GALNTL6: variants seen among roughly 807,000 people sequenced by gnomAD.
GALNTL6 encodes polypeptide N-acetylgalactosaminyltransferase like 6.
In GALNTL6, 46 loss-of-function variants were observed where a neutral mutation model predicts 73.7. The observed-to-expected ratio is 0.62, with a 90% CI of 0.49 to 0.80. The LOEUF is 0.80. Ranked by LOEUF, GALNTL6 falls within the 30% of genes least tolerant of loss-of-function variation. The pLI is 0.00. For missense variants in GALNTL6, 604 were observed against 755.0 expected (o/e 0.80, Z 2.34); for synonymous variants, 259 against 263.7 (o/e 0.98, Z 0.17).
intron 5 of GALNTL6, among the ~76,000 whole-genome samples, chr4:172,376,598 G>A (rs1743040213): frequency 6.6e-6 from 1 of 152,148 alleles, no homozygotes; most frequent in Non-Finnish European, 1.5e-5. Context: ...GCTTTTAACT[G>A]TGCCTGGTAT....
intron 5 of GALNTL6, among the ~76,000 whole-genome samples, chr4:172,519,593 A>G (rs1405725135): frequency 6.6e-6 from 1 of 150,966 alleles, no homozygotes. Context: ...TCTTCCACTG[A>G]CAAAGACACT....
At chr4:171,976,693 G>A (rs566642972) in intron 2 of GALNTL6, among the ~76,000 whole-genome samples, 63 of 152,294 alleles carry the variant, frequency 4.1e-4, no homozygotes, top group African/African-American at 1.3e-3. Flanking sequence ...GAGATATGTG[G>A]TCATATCCTA....
At chr4:172,826,050 T>A (rs1488894477) in intron 7 of GALNTL6, among the ~76,000 whole-genome samples, 2 of 152,160 alleles carry the variant, frequency 1.3e-5, no homozygotes, top group Non-Finnish European at 2.9e-5. Flanking sequence ...ATGTAACTTT[T>A]TTTTATCTCC....
chr4:173,004,579 T>C (rs931573156), intron 10 of GALNTL6, among the ~76,000 whole-genome samples: 9 of 152,158 alleles, frequency 5.9e-5, no homozygotes, highest in Admixed American at 5.9e-4. Context: ...TGAGCCGAGA[T>C]TGAGCCATTG....
At chr4:172,201,155 C>T (rs968038997) in intron 2 of GALNTL6, among the ~76,000 whole-genome samples, 35 of 151,794 alleles carry the variant, frequency 2.3e-4, no homozygotes, top group African/African-American at 8.0e-4. Context: ...AGAATTGTTC[C>T]CTAATGCTTT....
intron 5 of GALNTL6, among the ~76,000 whole-genome samples, chr4:172,416,107 G>A (rs770258218): frequency 2.0e-5 from 3 of 152,074 alleles, no homozygotes; most frequent in African/African-American, 4.8e-5. Flanking sequence ...ATGGGGATAC[G>A]ATTCAATAAA....
At chr4:172,374,667 G>C (rs762771485) in intron 5 of GALNTL6, among the ~76,000 whole-genome samples, 2 of 152,146 alleles carry the variant, frequency 1.3e-5, no homozygotes, top group African/African-American at 4.8e-5. Flanking sequence ...TCTTAGTGGG[G>C]ATCCATACTG....
chr4:172,992,950 C>T (rs968776922), intron 10 of GALNTL6, among the ~76,000 whole-genome samples: 2 of 152,112 alleles, frequency 1.3e-5, no homozygotes, highest in African/African-American at 4.8e-5. Flanking sequence ...CACCCTACCC[C>T]TAAGAATGAA....
intron 4 of GALNTL6, among the ~76,000 whole-genome samples, chr4:172,339,257 C>CCACACACACACTCA (rs1554015246): frequency 3.1e-4 from 37 of 120,950 alleles, no homozygotes; most frequent in Non-Finnish European, 5.4e-4. Flanking sequence ...CACACACACA[C>CCACACACACACTCA]CACACACACA....
At chr4:172,256,211 CT>C (rs1216166198) in intron 3 of GALNTL6, among the ~76,000 whole-genome samples, 1 of 151,466 alleles carries the variant, frequency 6.6e-6, no homozygotes, top group East Asian at 1.9e-4. Context: ...TCTGTTTCGC[CT>C]GTAAATCCAA....
At chr4:172,065,589 A>G (rs1731334322) in intron 2 of GALNTL6, among the ~76,000 whole-genome samples, 2 of 151,972 alleles carry the variant, frequency 1.3e-5, no homozygotes, top group African/African-American at 2.4e-5. Context: ...TTTTTAGAGT[A>G]GTTTTAGGTT....
At chr4:172,383,261 AT>A (rs34622439) in intron 5 of GALNTL6, among the ~76,000 whole-genome samples, 145,414 of 151,938 alleles carry the variant, frequency 0.96, 69,869 homozygotes, top group Non-Finnish European at 1. Flanking sequence ...AGTTCTTTTC[AT>A]TTTTTTTAGA....
At chr4:171,956,156 C>A (rs534837187) in intron 2 of GALNTL6, among the ~76,000 whole-genome samples, 1 of 152,070 alleles carries the variant, frequency 6.6e-6, no homozygotes, top group African/African-American at 2.4e-5. Context: ...CATGCGCCAC[C>A]ACACCTGGCT....
At chr4:172,730,553 T>G (rs1736083649) in intron 5 of GALNTL6, among the ~76,000 whole-genome samples, 1 of 152,226 alleles carries the variant, frequency 6.6e-6, no homozygotes, top group Non-Finnish European at 1.5e-5. Flanking sequence ...TGTTGAAACA[T>G]TGTCTTACCC....
At chr4:172,232,105 C>T (rs975863651) in intron 3 of GALNTL6, among the ~76,000 whole-genome samples, 12 of 151,686 alleles carry the variant, frequency 7.9e-5, no homozygotes, top group East Asian at 1.9e-4. Context: ...TTAAGACATA[C>T]GTGTGTGTAC....
intron 2 of GALNTL6, among the ~76,000 whole-genome samples, chr4:171,929,132 T>A (rs1384377156): frequency 1.3e-5 from 2 of 152,144 alleles, no homozygotes; most frequent in Non-Finnish European, 2.9e-5. Flanking sequence ...AGTGGTGCAA[T>A]CAGGACTCAC....
chr4:172,643,596 C>G (rs1175564737), intron 5 of GALNTL6, among the ~76,000 whole-genome samples: 1 of 151,968 alleles, frequency 6.6e-6, no homozygotes, highest in Non-Finnish European at 1.5e-5. Flanking sequence ...CCAACAATTC[C>G]CACTATCCTG....
At chr4:172,593,495 G>A (rs1579222143) in intron 5 of GALNTL6, among the ~76,000 whole-genome samples, 1 of 152,198 alleles carries the variant, frequency 6.6e-6, no homozygotes, top group East Asian at 1.9e-4. Context: ...TGACAAATAT[G>A]GAGAGAGAAA....
At chr4:172,263,703 C>G (rs1579312078) in intron 3 of GALNTL6, among the ~76,000 whole-genome samples, 1 of 151,478 alleles carries the variant, frequency 6.6e-6, no homozygotes, top group South Asian at 2.1e-4. Flanking sequence ...ATTTAAATTT[C>G]TTAGTCAAAA....
Sources: allele counts gnomAD v4.1 joint callset (sites outside exome capture counted in the v4.1 genomes callset), GRCh38; gene constraint gnomAD v4.1.1; transcripts MANE v1.5; gene names NCBI Gene and HGNC (gene_info 2026-07-23, HGNC 2026-07-21).